PKIB: variants seen among roughly 807,000 people sequenced by gnomAD.
The protein encoded by PKIB is cAMP-dependent protein kinase inhibitor beta.
Under a neutral mutation model 4.5 loss-of-function variants are expected in PKIB, and 2 were observed. The observed-to-expected ratio is 0.44, with a 90% CI of 0.18 to 1.39. PKIB has a LOEUF of 1.39. Among genes scored for constraint, PKIB ranks in the 40% most tolerant of loss-of-function variants. PKIB has a pLI of 0.27. For missense variants in PKIB, 94 were observed against 92.6 expected, an observed-to-expected ratio of 1.02 and a Z score of -0.06; for synonymous variants, 38 against 36.0, an observed-to-expected ratio of 1.06 and a Z score of -0.20.
chr6:122,717,552 T>G (rs1779548681), intron 3 of PKIB: 1 of 468,532 alleles, frequency 2.1e-6, no homozygotes, highest in Non-Finnish European at 3.8e-6. Context: ...AGTGGCTCAT[T>G]CGGCTCAGGG....
chr6:122,677,895 CTTT>C (rs1305451792), intron 3 of PKIB, among the ~76,000 whole-genome samples: 22 of 37,370 alleles, frequency 5.9e-4, no homozygotes, highest in African/African-American at 8.2e-4. Flanking sequence ...TCCTTCCTTT[CTTT>C]CTTTCTTTCC....
At chr6:122,565,606 T>C (rs908484739) in intron 2 of PKIB, among the ~76,000 whole-genome samples, 12 of 152,212 alleles carry the variant, frequency 7.9e-5, no homozygotes, top group African/African-American at 2.7e-4. Flanking sequence ...GGTAACAGTT[T>C]AACCAGTTTA....
At chr6:122,598,275 C>T (rs1456535044) in intron 3 of PKIB, among the ~76,000 whole-genome samples, 1 of 152,090 alleles carries the variant, frequency 6.6e-6, no homozygotes, top group Non-Finnish European at 1.5e-5. Context: ...TTTAAGTAGG[C>T]ATGCAGTAGG....
At chr6:122,530,924 C>T (rs1033194545) in intron 2 of PKIB, among the ~76,000 whole-genome samples, 1 of 152,160 alleles carries the variant, frequency 6.6e-6, no homozygotes, top group African/African-American at 2.4e-5. Flanking sequence ...TCTTTGAAAT[C>T]CTGTCTTGGT....
chr6:122,531,263 A>C (rs954925911), intron 2 of PKIB: 1 of 152,194 alleles, frequency 6.6e-6, no homozygotes, highest in Non-Finnish European at 1.5e-5. Flanking sequence ...TCATGTCCAC[A>C]TGTGCAGATG....
chr6:122,599,048 T>C (rs985075763), intron 3 of PKIB, among the ~76,000 whole-genome samples: 1 of 152,142 alleles, frequency 6.6e-6, no homozygotes, highest in East Asian at 1.9e-4. Context: ...ACCTCTAGGG[T>C]CCACTGGTAG....
chr6:122,724,597 G>A (rs1266470870), intron 4 of PKIB, among the ~76,000 whole-genome samples: 5 of 152,176 alleles, frequency 3.3e-5, no homozygotes, highest in African/African-American at 7.2e-5. Flanking sequence ...CAGATCACGG[G>A]GAGTTTTAGA....
intron 2 of PKIB, chr6:122,480,055 T>G (rs951211867): frequency 1.3e-5 from 2 of 152,108 alleles, no homozygotes; most frequent in African/African-American, 4.8e-5. Flanking sequence ...TTTTTTTTTT[T>G]TTCTTGAGAG....
chr6:122,609,667 C>T (rs1329158237), upstream of PKIB, among the ~76,000 whole-genome samples: 1 of 152,152 alleles, frequency 6.6e-6, no homozygotes, highest in African/African-American at 2.4e-5. Flanking sequence ...CAGTGAGAAA[C>T]CACTTTCTCA....
intron 2 of PKIB, among the ~76,000 whole-genome samples, chr6:122,517,169 A>G (rs904685052): frequency 8.5e-5 from 13 of 152,288 alleles, no homozygotes; most frequent in African/African-American, 3.1e-4. Flanking sequence ...ATAAATGTAC[A>G]ATTTCTGGAA....
chr6:122,571,198 A>G (rs1277622673), intron 2 of PKIB, among the ~76,000 whole-genome samples: 1 of 152,190 alleles, frequency 6.6e-6, no homozygotes, highest in Non-Finnish European at 1.5e-5. Context: ...TCAGACAAAG[A>G]TAAAGAAAAA....
At chr6:122,572,365 G>A (rs575488083) in intron 2 of PKIB, among the ~76,000 whole-genome samples, 1 of 152,126 alleles carries the variant, frequency 6.6e-6, no homozygotes, top group South Asian at 2.1e-4. Context: ...TAAATAATCT[G>A]CATTTGAATA....
At chr6:122,532,063 AAAT>A (rs1487704682) in intron 2 of PKIB, among the ~76,000 whole-genome samples, 1 of 152,228 alleles carries the variant, frequency 6.6e-6, no homozygotes, top group Non-Finnish European at 1.5e-5. Flanking sequence ...TGTGAGGATC[AAAT>A]GAGAGCTTCA....
At chr6:122,707,480 C>T (rs780708584) in intron 3 of PKIB, among the ~76,000 whole-genome samples, 21 of 151,852 alleles carry the variant, frequency 1.4e-4, no homozygotes, top group African/African-American at 4.6e-4. Context: ...AAGACACTAC[C>T]GAAACTGTGG....
At chr6:122,497,525 G>T (rs541109922) in intron 2 of PKIB, among the ~76,000 whole-genome samples, 1 of 152,178 alleles carries the variant, frequency 6.6e-6, no homozygotes, top group South Asian at 2.1e-4. Context: ...GTTGAAGAAA[G>T]ATCTATCATG....
At chr6:122,573,546 A>G (rs1339334399) in intron 2 of PKIB, among the ~76,000 whole-genome samples, 1 of 149,982 alleles carries the variant, frequency 6.7e-6, no homozygotes, top group Admixed American at 6.6e-5. Context: ...AAGAAAAAGA[A>G]AAAAAAAAGA....
chr6:122,496,438 A>T (rs1331436679), intron 2 of PKIB, among the ~76,000 whole-genome samples: 2 of 152,232 alleles, frequency 1.3e-5, no homozygotes, highest in African/African-American at 4.8e-5. Flanking sequence ...GATGTCAAGG[A>T]AACTTGATGA....
At chr6:122,602,398 G>A (rs1774397554) in intron 3 of PKIB, among the ~76,000 whole-genome samples, 2 of 152,148 alleles carry the variant, frequency 1.3e-5, no homozygotes, top group Admixed American at 1.3e-4. Flanking sequence ...TGTAGCTAAT[G>A]AGAATCATAA....
At chr6:122,724,326 T>C (rs1779859291) in intron 4 of PKIB, among the ~76,000 whole-genome samples, 1 of 152,122 alleles carries the variant, frequency 6.6e-6, no homozygotes. Flanking sequence ...TGGGGGATCA[T>C]GAAGGTATTA....
Sources: gnomAD v4.1 joint callset for allele counts (sites outside exome capture counted in the v4.1 genomes callset) on GRCh38, gnomAD v4.1.1 for gene constraint, MANE v1.5 for transcripts, NCBI Gene and HGNC (gene_info 2026-07-23, HGNC 2026-07-21) for gene names.